The following MAT1A variants were observed in gnomAD, a reference collection of about 807,000 sequenced individuals.
The protein encoded by MAT1A is methionine adenosyltransferase 1A.
MAT1A carries 19 observed loss-of-function variants against 44.0 expected under a neutral mutation model. That is an observed-to-expected ratio of 0.43 (90% CI 0.30 to 0.63). The LOEUF is 0.63. MAT1A is among the 30% of genes least tolerant of loss of function. The pLI is 0.12. For missense variants in MAT1A, 397 were observed against 531.0 expected, an observed-to-expected ratio of 0.75 and a Z score of 2.48; for synonymous variants, 205 against 205.6, an observed-to-expected ratio of 1.00 and a Z score of 0.03.
At position 80,277,248 on chromosome 10, in the gene MAT1A, G is replaced by A. The variant is rs7068855; in HGVS notation, c.550-654C>T. ...GCAGCTCTGCCAGATGGCCCTGGGA[G>A]GGACACTGGCCAGTGAGTATGGGAC... is the stretch of plus-strand genomic sequence containing the variant. On this transcript the variant is annotated intron_variant, in intron 5 of 8. Transcript: ENST00000372213. 3.9e-3 allele frequency among the ~76,000 whole-genome samples: 587 copies of A among 152,284 alleles called. 3 individuals carry two copies. The highest frequency in any genetic ancestry group is 0.013 in the African/African-American group (542 of 41,560).
chr10:80,274,171 T>G (rs1841448790), intron 8 of MAT1A, among the ~76,000 whole-genome samples: 1 of 152,212 alleles, frequency 6.6e-6, no homozygotes, highest in African/African-American at 2.4e-5. Flanking sequence ...TTGACACCAC[T>G]AAGCTCTAGA....
intron 6 of MAT1A, 61 bp from the exon 7 acceptor site, chr10:80,275,260 T>G (rs561558390): frequency 7.0e-7 from 1 of 1,433,558 alleles, no homozygotes; most frequent in African/African-American, 1.4e-5. Flanking sequence ...TGGAGGGGGC[T>G]GAAGTACTGT....
chr10:80,277,366 C>A (rs1054413433), intron 5 of MAT1A, among the ~76,000 whole-genome samples: 1 of 152,198 alleles, frequency 6.6e-6, no homozygotes, highest in African/African-American at 2.4e-5. Context: ...CTCCCCAAGG[C>A]TACTCAGGTA....
Position 80,285,607 on chromosome 10 carries a change from T to G in MAT1A, c.92-18A>C. On this transcript the variant is annotated intron_variant, in intron 1 of 8. Transcript: ENST00000372213. Reference sequence around the variant, plus strand: ...GATCTTATCTGGACAAGAGCAAATATGGGTCAGAATCACAAAAATATTCGG... The same window carrying G: ...GATCTTATCTGGACAAGAGCAAATAGGGGTCAGAATCACAAAAATATTCGG... 6.5e-7 allele frequency: 1 copy of G among 1,537,834 alleles called. No homozygotes were observed. The highest frequency in any genetic ancestry group is 1.7e-5 in the Admixed American group (1 of 59,926).
chr10:80,274,752 A>T, intron 7 of MAT1A, 99 bp from the exon 8 acceptor site: 1 of 1,524,680 alleles, frequency 6.6e-7, no homozygotes, highest in Non-Finnish European at 9.0e-7. Context: ...CGGGGACCAC[A>T]TGCCTCTTGC....
chr10:80,276,612 G>T lies in MAT1A; in HGVS notation c.550-18C>A, dbSNP rs765732735. ...ACTGTCACCTGTCCATCAGAAGGGT[G>T]GGGGAGATACTGTGAGGCTGAGGCT... On this transcript the variant is annotated intron_variant, in intron 5 of 8. Coordinates refer to ENST00000372213, the MANE Select transcript of MAT1A (RefSeq NM_000429.3). 5.6e-6 allele frequency: 9 copies of T among 1,605,886 alleles called. No homozygotes were observed. The highest frequency in any genetic ancestry group is 6.8e-6 in the Non-Finnish European group (8 of 1,178,742).
chr10:80,276,970 T>C (rs1404582287), intron 5 of MAT1A, among the ~76,000 whole-genome samples: 3 of 152,100 alleles, frequency 2.0e-5, no homozygotes, highest in Non-Finnish European at 4.4e-5. Flanking sequence ...AGGAGGTATC[T>C]CTCCTCCTGC....
chr10:80,285,379 G>C, intron 2 of MAT1A, 133 bp downstream of exon 2: 1 of 749,994 alleles, frequency 1.3e-6, no homozygotes. Context: ...TCTCATAATT[G>C]AGAAATCTAC....
chr10:80,282,639 C>T (rs1312682342), intron 3 of MAT1A, among the ~76,000 whole-genome samples: 1 of 152,122 alleles, frequency 6.6e-6, no homozygotes, highest in Admixed American at 6.5e-5. Context: ...CCTCATGTCC[C>T]GACCAGGAGA....
Position 80,273,965 on chromosome 10 carries a change from G to A in MAT1A, c.1086-82C>T, listed in dbSNP as rs1443583968. 6 of 990,502 alleles carry A rather than the reference G, an allele frequency of 6.1e-6. No homozygotes were observed. In the African/African-American group the frequency reaches 6.4e-5, roughly 11 times the overall value. The allele number at this position is 990,502 out of a possible 1,614,324, so 61.4% of individuals were successfully genotyped here. A position where few individuals can be genotyped will look rare whatever the true frequency, so the allele number is the denominator to read the frequency against. ...TTCTCCATTTCAAGGACAGGAGGGA[G>A]CAACGAACTGTAACACAGCCCTCCT... On this transcript the variant is annotated intron_variant, in intron 8 of 8. Transcript: ENST00000372213.
intron 1 of MAT1A, among the ~76,000 whole-genome samples, chr10:80,286,785 G>C (rs1841656493): frequency 6.6e-6 from 1 of 152,170 alleles, no homozygotes; most frequent in African/African-American, 2.4e-5. Context: ...GCTCTTAATA[G>C]AGTAATATGT....
rs1321812914 is a variant in MAT1A, at chr10:80,289,325, C to A, written c.91+8G>T. The A allele has an allele frequency of 1.9e-6, 3 of 1,612,852 alleles. No individual in the cohort carries two copies. The highest frequency in any genetic ancestry group is 2.5e-6 in the Non-Finnish European group (3 of 1,178,864). On this transcript the variant is annotated splice_region_variant and intron_variant, in intron 1 of 8. Transcript: ENST00000372213. The stretch of plus-strand genomic sequence containing the variant: ...CGTTTTCCAGTCAGTCCAAGACAGC[C>A]TACTTACCCGGGTGTCCCTCTCCCA...
chr10:80,280,289 C>T lies in MAT1A; in HGVS notation c.433G>A (p.Glu145Lys), dbSNP rs867277108. The T allele has an allele frequency of 5.0e-6, 8 of 1,614,098 alleles. No homozygotes were observed. The highest frequency in any genetic ancestry group is 4.5e-5 in the East Asian group (2 of 44,868). ...GTGAGGGGCATGCACTCCTCTGTCT[C>T]GTCGGTAGCATAGCCGAACATCAAA... ...QGLMFGYATD[E>K]TEECMPLTII... The change falls in exon 5 of 9, where the codon GAG becomes AAG. Residue 145 changes from glutamate (E) to lysine (K), a missense_variant. Coordinates refer to ENST00000372213, the MANE Select transcript of MAT1A (RefSeq NM_000429.3).
chr10:80,279,638 A>C (rs1841533500), intron 5 of MAT1A, among the ~76,000 whole-genome samples: 1 of 152,154 alleles, frequency 6.6e-6, no homozygotes. Flanking sequence ...TCAACACTGC[A>C]GGGAGAAGAC....
chr10:80,283,431 G>C (rs1030729229), intron 3 of MAT1A, among the ~76,000 whole-genome samples: 2 of 152,262 alleles, frequency 1.3e-5, no homozygotes, highest in Non-Finnish European at 2.9e-5. Context: ...GTCTATGATT[G>C]CAAGTAGGTT....
chr10:80,285,660 T>A, intron 1 of MAT1A, 71 bp from the exon 2 acceptor site: 2 of 1,036,912 alleles, frequency 1.9e-6, no homozygotes, highest in Non-Finnish European at 3.0e-6. Flanking sequence ...TTAAAATAAT[T>A]AGATATCGAC....
intron 1 of MAT1A, among the ~76,000 whole-genome samples, chr10:80,285,853 TGTCA>T (rs1264129557): frequency 6.9e-6 from 1 of 145,232 alleles, no homozygotes; most frequent in East Asian, 2.0e-4. Context: ...TGAGATGGAG[TGTCA>T]GTCTATCACC....
intron 1 of MAT1A, 140 bp from the exon 2 acceptor site, chr10:80,285,729 A>C: frequency 1.5e-6 from 1 of 672,944 alleles, no homozygotes; most frequent in South Asian, 1.7e-5. Context: ...TAAGTATAAG[A>C]AATTAGAAAT....
chr10:80,286,879 A>T, intron 1 of MAT1A, among the ~76,000 whole-genome samples: 1 of 152,330 alleles, frequency 6.6e-6, no homozygotes, highest in Non-Finnish European at 1.5e-5. Context: ...ATATTCATTA[A>T]TTCCTTAATC....
Sources: gnomAD v4.1 joint callset for allele counts (sites outside exome capture counted in the v4.1 genomes callset) on GRCh38, gnomAD v4.1.1 for gene constraint, MANE v1.5 for transcripts, NCBI Gene and HGNC (gene_info 2026-07-23, HGNC 2026-07-21) for gene names.